AGBL1: variants seen among roughly 807,000 people sequenced by gnomAD.
AGBL1 encodes the protein cytosolic carboxypeptidase 4.
AGBL1 carries 130 observed loss-of-function variants against 118.9 expected under a neutral mutation model. The observed-to-expected ratio is 1.09, with a 90% CI of 0.95 to 1.26. The LOEUF (loss-of-function observed/expected upper bound fraction) is 1.26, where lower values mean the gene tolerates loss of function less well. Ranked by LOEUF, AGBL1 falls within the 50% of genes most tolerant of loss-of-function variation. The probability of loss-of-function intolerance (pLI) is 0.00; values close to 1 mark genes in which losing one functional copy is unlikely to be tolerated. For missense variants in AGBL1, 1,584 were observed against 1,298.1 expected (o/e 1.22, Z -3.38); for synonymous variants, 555 against 478.9 (o/e 1.16, Z -2.08).
At chr15:86,831,079 C>A (rs1292401345) in intron 22 of AGBL1, among the ~76,000 whole-genome samples, 1 of 152,122 alleles carries the variant, frequency 6.6e-6, no homozygotes, top group Non-Finnish European at 1.5e-5. Flanking sequence ...GAGACCTCTT[C>A]TATGTAACAC....
At chr15:86,458,396 A>C (rs2082287632) in intron 18 of AGBL1, among the ~76,000 whole-genome samples, 1 of 152,170 alleles carries the variant, frequency 6.6e-6, no homozygotes, top group Admixed American at 6.6e-5. Flanking sequence ...ATTTTGCATC[A>C]ATTTTCTTTC....
At chr15:86,384,532 A>C (rs935755470) in intron 17 of AGBL1, among the ~76,000 whole-genome samples, 14 of 151,520 alleles carry the variant, frequency 9.2e-5, no homozygotes, top group Admixed American at 2.0e-4. Flanking sequence ...ATTACGTATC[A>C]TTATAGCACA....
intron 18 of AGBL1, among the ~76,000 whole-genome samples, chr15:86,430,212 C>T (rs1264571605): frequency 2.0e-5 from 3 of 152,090 alleles, no homozygotes; most frequent in Non-Finnish European, 4.4e-5. Context: ...AAAGATATAT[C>T]TCAGCCAGGC....
chr15:86,332,637 C>A (rs1246943386), intron 17 of AGBL1, among the ~76,000 whole-genome samples: 5 of 116,678 alleles, frequency 4.3e-5, no homozygotes, highest in African/African-American at 1.7e-4. Flanking sequence ...CAGAGTGAGA[C>A]TCCATCTCAA....
At chr15:86,427,689 C>A (rs2081884010) in intron 18 of AGBL1, among the ~76,000 whole-genome samples, 1 of 152,096 alleles carries the variant, frequency 6.6e-6, no homozygotes, top group Non-Finnish European at 1.5e-5. Context: ...TAATAGTATA[C>A]CAGTTTATTC....
chr15:86,383,693 C>A (rs1408025097), intron 17 of AGBL1, among the ~76,000 whole-genome samples: 1 of 152,200 alleles, frequency 6.6e-6, no homozygotes, highest in Admixed American at 6.5e-5. Context: ...GTAAGGGCAT[C>A]CTGCAACAAA....
intron 19 of AGBL1, among the ~76,000 whole-genome samples, chr15:86,529,271 A>T (rs921460657): frequency 9.8e-5 from 13 of 133,154 alleles, no homozygotes; most frequent in Admixed American, 7.0e-4. Context: ...AAAGGAGCCG[A>T]TGGAGCTGAA....
chr15:86,267,130 G>A, intron 13 of AGBL1, 54 bp downstream of exon 13: 6 of 1,304,256 alleles, frequency 4.6e-6, no homozygotes, highest in Non-Finnish European at 6.5e-6. Flanking sequence ...AGAGCAAGCT[G>A]TGACTATCTC....
At chr15:86,460,730 C>A (rs963650422) in intron 18 of AGBL1, among the ~76,000 whole-genome samples, 7 of 152,142 alleles carry the variant, frequency 4.6e-5, no homozygotes, top group Non-Finnish European at 8.8e-5. Flanking sequence ...ATTAATTGGC[C>A]TTCCTTGCCG....
chr15:86,626,836 CTT>C (rs11318598), intron 21 of AGBL1, among the ~76,000 whole-genome samples: 135 of 117,826 alleles, frequency 1.1e-3, no homozygotes, highest in African/African-American at 1.6e-3. Context: ...ATATACTTTT[CTT>C]TTTTTTTTTT....
intron 17 of AGBL1, among the ~76,000 whole-genome samples, chr15:86,314,615 T>C (rs987790624): frequency 1.3e-5 from 2 of 152,104 alleles, no homozygotes; most frequent in South Asian, 2.1e-4. Context: ...GGAGGCATCA[T>C]TATCACCACC....
At chr15:86,281,273 A>G (rs377068406) in intron 16 of AGBL1, among the ~76,000 whole-genome samples, 15 of 152,300 alleles carry the variant, frequency 9.8e-5, no homozygotes, top group African/African-American at 3.6e-4. Context: ...AGACCCAGCT[A>G]CTTGGGAGGC....
chr15:86,968,579 A>C (rs2081077054), intron 23 of AGBL1, among the ~76,000 whole-genome samples: 1 of 151,908 alleles, frequency 6.6e-6, no homozygotes, highest in African/African-American at 2.4e-5. Context: ...TACACCATGT[A>C]ACTAAATTTG....
chr15:86,969,520 T>C (rs547748896), intron 23 of AGBL1, among the ~76,000 whole-genome samples: 4 of 151,876 alleles, frequency 2.6e-5, no homozygotes, highest in Admixed American at 6.6e-5. Context: ...TGTATGCACA[T>C]ACGCATAGGC....
chr15:86,642,706 T>A (rs1008717135), intron 21 of AGBL1, among the ~76,000 whole-genome samples: 1 of 152,090 alleles, frequency 6.6e-6, no homozygotes, highest in African/African-American at 2.4e-5. Context: ...ATTCCTTACA[T>A]CCTTTTGATT....
At chr15:86,103,526 C>T (rs556631629) in intron 1 of AGBL1, among the ~76,000 whole-genome samples, 103 of 152,242 alleles carry the variant, frequency 6.8e-4, no homozygotes, top group African/African-American at 2.3e-3. Context: ...TTCCTGAAGA[C>T]ATACCAATGG....
intron 1 of AGBL1, among the ~76,000 whole-genome samples, chr15:86,123,014 A>G (rs998176524): frequency 8.5e-5 from 13 of 152,202 alleles, no homozygotes; most frequent in Non-Finnish European, 1.3e-4. Flanking sequence ...ACCCCAAAAT[A>G]TATGTATTTG....
intron 18 of AGBL1, among the ~76,000 whole-genome samples, chr15:86,431,809 C>T (rs928543600): frequency 6.6e-6 from 1 of 152,172 alleles, no homozygotes; most frequent in East Asian, 1.9e-4. Context: ...TCTGACTCTA[C>T]TACCTTCCTT....
At chr15:86,617,979 T>A (rs113714420) in intron 21 of AGBL1, among the ~76,000 whole-genome samples, 189 of 152,306 alleles carry the variant, frequency 1.2e-3, no homozygotes, top group African/African-American at 3.5e-3. Context: ...AAATATTTAA[T>A]CATAACATTT....
Sources: gnomAD v4.1 joint callset for allele counts (sites outside exome capture counted in the v4.1 genomes callset) on GRCh38, gnomAD v4.1.1 for gene constraint, MANE v1.5 for transcripts, NCBI Gene and HGNC (gene_info 2026-07-23, HGNC 2026-07-21) for gene names.